Variants in DOCK3 observed in about 807,000 individuals in gnomAD.
The protein encoded by DOCK3 is dedicator of cytokinesis protein 3.
In DOCK3, 60 loss-of-function variants were observed where a neutral mutation model predicts 265.6. The observed-to-expected ratio is 0.23, with a 90% CI of 0.18 to 0.28. DOCK3 has a LOEUF of 0.28. Ranked by LOEUF, DOCK3 falls within the 10% of genes least tolerant of loss-of-function variation. DOCK3 has a pLI of 1.00. For synonymous variants in DOCK3, 881 were observed against 938.0 expected, an observed-to-expected ratio of 0.94 and a Z score of 1.11; for missense variants, 1,981 against 2,594.3, an observed-to-expected ratio of 0.76 and a Z score of 5.14.
chr3:51,092,525 G>A (rs2082677201), intron 9 of DOCK3, among the ~76,000 whole-genome samples: 1 of 152,338 alleles, frequency 6.6e-6, no homozygotes, highest in South Asian at 2.1e-4. Flanking sequence ...GGGACTTATA[G>A]ATAAAACCCC....
chr3:50,774,357 A>T (rs1311015911), intron 1 of DOCK3, among the ~76,000 whole-genome samples: 1 of 151,978 alleles, frequency 6.6e-6, no homozygotes, highest in Admixed American at 6.6e-5. Context: ...CATTAATATG[A>T]TATATGCTTA....
chr3:50,751,903 C>T (rs558097771), intron 1 of DOCK3, among the ~76,000 whole-genome samples: 1 of 152,026 alleles, frequency 6.6e-6, no homozygotes, highest in Non-Finnish European at 1.5e-5. Context: ...ATAAAACCAT[C>T]AGATCTCCTG....
At chr3:50,794,714 T>C (rs1262308025) in intron 2 of DOCK3, among the ~76,000 whole-genome samples, 2 of 152,190 alleles carry the variant, frequency 1.3e-5, no homozygotes, top group African/African-American at 4.8e-5. Context: ...AATTGGGGCA[T>C]TTATCCTGTT....
At chr3:51,135,914 T>A (rs1412941425) in intron 9 of DOCK3, among the ~76,000 whole-genome samples, 1 of 152,038 alleles carries the variant, frequency 6.6e-6, no homozygotes, top group Non-Finnish European at 1.5e-5. Flanking sequence ...CTCGCCATAT[T>A]TCCAAAGCTG....
chr3:50,830,932 G>C (rs2045106221), intron 2 of DOCK3, among the ~76,000 whole-genome samples: 1 of 152,114 alleles, frequency 6.6e-6, no homozygotes, highest in Non-Finnish European at 1.5e-5. Context: ...ACAAGGGGTA[G>C]ATTATTCAAG....
chr3:51,131,773 G>GCTGCCACCTGGCCC (rs1432963094), intron 9 of DOCK3, among the ~76,000 whole-genome samples: 4 of 152,200 alleles, frequency 2.6e-5, no homozygotes, highest in Admixed American at 2.0e-4. Context: ...ACAGTTGAGT[G>GCTGCCACCTGGCCC]CTGCCACCTG....
intron 1 of DOCK3, among the ~76,000 whole-genome samples, chr3:50,693,061 C>T (rs1465045703): frequency 6.6e-6 from 1 of 152,110 alleles, no homozygotes; most frequent in Non-Finnish European, 1.5e-5. Flanking sequence ...ATTCTGGGCT[C>T]TGTATTCTGT....
chr3:50,711,182 A>G (rs899383442), intron 1 of DOCK3, among the ~76,000 whole-genome samples: 1 of 151,976 alleles, frequency 6.6e-6, no homozygotes. Flanking sequence ...TTAGTATTAC[A>G]TAGTACATTA....
chr3:51,284,915 T>TA (rs974360119), intron 27 of DOCK3, among the ~76,000 whole-genome samples: 3 of 152,212 alleles, frequency 2.0e-5, no homozygotes, highest in Admixed American at 1.3e-4. Context: ...GAGGTAGACA[T>TA]ACAACGTTTG....
At chr3:50,749,251 T>C (rs1314659203) in intron 1 of DOCK3, among the ~76,000 whole-genome samples, 1 of 152,252 alleles carries the variant, frequency 6.6e-6, no homozygotes, top group African/African-American at 2.4e-5. Flanking sequence ...GGGACAAATT[T>C]AGCATTTAAT....
chr3:51,351,830 A>AT (rs1425941792), intron 40 of DOCK3, among the ~76,000 whole-genome samples: 2 of 151,740 alleles, frequency 1.3e-5, no homozygotes. Context: ...CTAATTTTGT[A>AT]TTTTTTAGTT....
At chr3:51,093,063 G>A (rs113396491) in intron 9 of DOCK3, among the ~76,000 whole-genome samples, 42 of 152,278 alleles carry the variant, frequency 2.8e-4, no homozygotes, top group Middle Eastern at 3.4e-3. Flanking sequence ...CCAGTAACAC[G>A]ATGTTTTGGT....
intron 3 of DOCK3, among the ~76,000 whole-genome samples, chr3:50,887,975 C>T (rs922760340): frequency 2.0e-5 from 3 of 152,140 alleles, no homozygotes; most frequent in African/African-American, 7.2e-5. Context: ...TCTCTCACCA[C>T]TCCTGTTCAA....
chr3:51,073,870 A>G (rs2081968933), intron 6 of DOCK3, among the ~76,000 whole-genome samples: 1 of 152,150 alleles, frequency 6.6e-6, no homozygotes, highest in African/African-American at 2.4e-5. Context: ...TGCTTCTATA[A>G]TACTTTCTCC....
intron 1 of DOCK3, among the ~76,000 whole-genome samples, chr3:50,777,026 C>T (rs558145573): frequency 6.6e-6 from 1 of 152,228 alleles, no homozygotes; most frequent in South Asian, 2.1e-4. Context: ...CAGGTTTCCC[C>T]TTATCAAACC....
intron 13 of DOCK3, among the ~76,000 whole-genome samples, chr3:51,213,452 T>TA (rs1302182638): frequency 6.6e-6 from 1 of 152,120 alleles, no homozygotes; most frequent in Non-Finnish European, 1.5e-5. Flanking sequence ...AGGGTGTAAG[T>TA]AGTGAGCCAG....
At chr3:50,936,278 A>G (rs753530647) in intron 5 of DOCK3, among the ~76,000 whole-genome samples, 1 of 152,022 alleles carries the variant, frequency 6.6e-6, no homozygotes, top group African/African-American at 2.4e-5. Flanking sequence ...AAAAATAGAA[A>G]AAATGAGCTC....
chr3:50,911,086 A>C (rs1469116712), intron 4 of DOCK3, among the ~76,000 whole-genome samples: 1 of 151,936 alleles, frequency 6.6e-6, no homozygotes, highest in Non-Finnish European at 1.5e-5. Context: ...ATAGTTCGCA[A>C]ATATTTCCCC....
chr3:51,259,997 A>T (rs1675228197), intron 22 of DOCK3, among the ~76,000 whole-genome samples, 159 bp from the exon 23 acceptor site: 1 of 152,184 alleles, frequency 6.6e-6, no homozygotes, highest in Non-Finnish European at 1.5e-5. Flanking sequence ...TTGAGAAAAA[A>T]TTTTTAAAAA....
Sources: allele counts gnomAD v4.1 joint callset (sites outside exome capture counted in the v4.1 genomes callset), GRCh38; gene constraint gnomAD v4.1.1; transcripts MANE v1.5; gene names NCBI Gene and HGNC (gene_info 2026-07-23, HGNC 2026-07-21).